NELL2: variants seen among roughly 807,000 people sequenced by gnomAD.
NELL2 encodes the protein protein kinase C-binding protein NELL2.
A neutral mutation model predicts 109.6 loss-of-function variants in NELL2; 41 were observed. The ratio of observed to expected loss-of-function variants is 0.37; its 90% confidence interval spans 0.29 to 0.49. The LOEUF is 0.49. Among genes scored for constraint, NELL2 ranks in the 20% least tolerant of loss-of-function variants. The pLI is 0.98. For synonymous variants in NELL2, 355 were observed against 344.7 expected, an observed-to-expected ratio of 1.03 and a Z score of -0.33; for missense variants, 900 against 1,008.3, an observed-to-expected ratio of 0.89 and a Z score of 1.45.
intron 2 of NELL2, among the ~76,000 whole-genome samples, chr12:44,855,490 A>C (rs991824251): frequency 1.3e-5 from 2 of 152,202 alleles, no homozygotes; most frequent in Admixed American, 6.5e-5. Context: ...ATTTTATTGT[A>C]CGGGCTAAAA....
chr12:44,889,633 T>G (rs924874149), intron 1 of NELL2, among the ~76,000 whole-genome samples: 2 of 152,006 alleles, frequency 1.3e-5, no homozygotes, highest in African/African-American at 4.8e-5. Flanking sequence ...ACCAGAATAT[T>G]CTTAGTGATA....
intron 9 of NELL2, among the ~76,000 whole-genome samples, chr12:44,770,193 T>C (rs953439720): frequency 6.6e-6 from 1 of 152,138 alleles, no homozygotes; most frequent in East Asian, 1.9e-4. Flanking sequence ...GCTAATGAAC[T>C]AATGAGATCA....
intron 1 of NELL2, among the ~76,000 whole-genome samples, chr12:44,920,984 A>G (rs1181737749): frequency 6.6e-6 from 1 of 152,210 alleles, no homozygotes; most frequent in Non-Finnish European, 1.5e-5. Flanking sequence ...AATGTTCTTA[A>G]GAGAGTAACA....
intron 15 of NELL2, among the ~76,000 whole-genome samples, chr12:44,570,846 TG>T (rs1458412229): frequency 2.6e-5 from 4 of 152,160 alleles, no homozygotes. Flanking sequence ...CCAGTAAATG[TG>T]GTCTGAAGAA....
chr12:44,840,583 G>C (rs144254204), intron 2 of NELL2, among the ~76,000 whole-genome samples: 1,604 of 151,746 alleles, frequency 0.011, 28 homozygotes, highest in African/African-American at 0.037. Context: ...CTTGCAGTGA[G>C]CAGAGATGCG....
At chr12:44,673,673 C>A (rs1393861258) in intron 12 of NELL2, among the ~76,000 whole-genome samples, 1 of 152,184 alleles carries the variant, frequency 6.6e-6, no homozygotes, top group Non-Finnish European at 1.5e-5. Context: ...ATAGACCCTG[C>A]CTTAAAAGGG....
rs148667884 is a variant in NELL2 at position 44,564,388 on chromosome 12, C to T, written c.1664-31667G>A. ...TTCCATTATCAAAGGGAAAGCGAAA[C>T]GGTATAAATACTGTAATAGTCTTCA... On this transcript the variant is annotated intron_variant, in intron 15 of 19. Transcript: ENST00000429094. Among the ~76,000 whole-genome samples, 245 of 152,202 alleles carry T rather than the reference C, an allele frequency of 1.6e-3. 1 individual carries two copies. The highest frequency in any genetic ancestry group is 4.8e-3 in the African/African-American group (198 of 41,548).
chr12:44,919,579 G>T (rs1479331840), intron 1 of NELL2, among the ~76,000 whole-genome samples: 3 of 152,172 alleles, frequency 2.0e-5, no homozygotes, highest in Non-Finnish European at 4.4e-5. Context: ...TTTAGACAGA[G>T]ACAGAGATAT....
chr12:44,638,334 A>G (rs915223274), intron 13 of NELL2, among the ~76,000 whole-genome samples: 1 of 152,178 alleles, frequency 6.6e-6, no homozygotes, highest in Non-Finnish European at 1.5e-5. Context: ...CTCATATCAT[A>G]GATAGCACTG....
At chr12:44,898,267 G>A (rs774870443) in intron 1 of NELL2, among the ~76,000 whole-genome samples, 5 of 152,256 alleles carry the variant, frequency 3.3e-5, no homozygotes, top group East Asian at 1.9e-4. Flanking sequence ...AGGGACAGAC[G>A]ACCTCCTCAA....
At chr12:44,811,076 A>G (rs1040761200) in intron 3 of NELL2, among the ~76,000 whole-genome samples, 1 of 152,096 alleles carries the variant, frequency 6.6e-6, no homozygotes, top group Non-Finnish European at 1.5e-5. Flanking sequence ...TAACACAGCA[A>G]AAGAAAACCA....
intron 15 of NELL2, among the ~76,000 whole-genome samples, chr12:44,593,852 G>A (rs567795397): frequency 7.9e-5 from 12 of 152,088 alleles, no homozygotes; most frequent in Admixed American, 4.6e-4. Context: ...TTGGCTATAC[G>A]GGCTCAATAG....
rs1231783255 is a variant in NELL2 at position 44,818,733 on chromosome 12, TTTTTTA to T, written c.185-2603_185-2598del. ...CTATATTTTGTTCACTTATTTTTTT[TTTTTTA>T]TTTTTTTTTTTTTTGAGACGGAGTC... On this transcript the variant is annotated intron_variant, in intron 2 of 19. Coordinates refer to ENST00000429094, the MANE Select transcript of NELL2 (RefSeq NM_001145108.2). Among the ~76,000 whole-genome samples the T allele has an allele frequency of 1.1e-3, 111 of 100,054 alleles. 1 individual carries two copies. The highest frequency in any genetic ancestry group is 3.8e-3 in the African/African-American group (87 of 22,992). 65.6% of individuals were successfully genotyped at this position (100,054 alleles called of 152,430 possible).
At chr12:44,875,447 C>A (rs1458424996) in intron 1 of NELL2, 94 bp from the exon 2 acceptor site, 2 of 1,613,786 alleles carry the variant, frequency 1.2e-6, no homozygotes, top group South Asian at 1.1e-5. Context: ...CGCGTTTTCG[C>A]GACAATATTG....
At chr12:44,875,595 C>T (rs1945294072) in intron 1 of NELL2, 38 of 1,613,696 alleles carry the variant, frequency 2.4e-5, no homozygotes, top group Non-Finnish European at 3.1e-5. Flanking sequence ...AAAGTTCCCC[C>T]TCAGCCCTCC....
At chr12:44,701,933 T>C (rs553588962) in intron 12 of NELL2, among the ~76,000 whole-genome samples, 1 of 152,278 alleles carries the variant, frequency 6.6e-6, no homozygotes, top group South Asian at 2.1e-4. Context: ...CCCTGCCTAA[T>C]TCTCCAACAG....
chr12:44,725,916 G>C (rs2136462602), intron 9 of NELL2, among the ~76,000 whole-genome samples: 1 of 152,224 alleles, frequency 6.6e-6, no homozygotes, highest in East Asian at 1.9e-4. Flanking sequence ...TTTAATACCT[G>C]GGTGATGAAA....
Position 44,718,959 on chromosome 12 carries a change from CA to C in NELL2, c.995-4219del, listed in dbSNP as rs1211859816. 1.2e-4 allele frequency among the ~76,000 whole-genome samples: 18 copies of C among 152,224 alleles called. No individual in the cohort carries two copies. In the East Asian group the frequency reaches 3.5e-3, roughly 29 times the overall value. On this transcript the variant is annotated intron_variant, in intron 9 of 19. Transcript: ENST00000429094. Reference sequence around the variant, plus strand: ...CAGTCTATTCAGTTATAAGTGGAGACATTAACAACAACTTGGAGAAATTCAA... The same window carrying C: ...CAGTCTATTCAGTTATAAGTGGAGACTTAACAACAACTTGGAGAAATTCAA...
chr12:44,591,109 A>C (rs939755749), intron 15 of NELL2, among the ~76,000 whole-genome samples: 1 of 152,192 alleles, frequency 6.6e-6, no homozygotes, highest in Non-Finnish European at 1.5e-5. Context: ...GGCTATTATC[A>C]AAAAGAGAAA....
Sources: allele counts gnomAD v4.1 joint callset (sites outside exome capture counted in the v4.1 genomes callset), GRCh38; gene constraint gnomAD v4.1.1; transcripts MANE v1.5; gene names NCBI Gene and HGNC (gene_info 2026-07-23, HGNC 2026-07-21).